Variants in NUBPL observed in about 807,000 individuals in gnomAD.
NUBPL encodes NUBP iron-sulfur cluster assembly factor, mitochondrial, also known as iron-sulfur cluster transfer protein NUBPL.
Under a neutral mutation model 45.7 loss-of-function variants are expected in NUBPL, and 31 were observed. The observed-to-expected ratio is 0.68, with a 90% confidence interval of 0.51 to 0.92. NUBPL has a LOEUF of 0.92. Ranked by LOEUF, NUBPL falls within the 40% of genes least tolerant of loss-of-function variation. The probability of loss-of-function intolerance (pLI) is 0.00; values close to 1 mark genes in which losing one functional copy is unlikely to be tolerated. For synonymous variants in NUBPL, 144 were observed against 140.9 expected (o/e 1.02, Z -0.15); for missense variants, 401 against 398.7 (o/e 1.01, Z -0.05).
intron 6 of NUBPL, among the ~76,000 whole-genome samples, chr14:31,708,394 C>G (rs897744452): frequency 1.3e-5 from 2 of 152,156 alleles, no homozygotes; most frequent in African/African-American, 4.8e-5. Context: ...GCCCAGACTT[C>G]AGGGTTTATT....
intron 8 of NUBPL, among the ~76,000 whole-genome samples, chr14:31,832,220 A>G (rs960789222): frequency 1.3e-5 from 2 of 152,186 alleles, no homozygotes; most frequent in Admixed American, 6.5e-5. Context: ...TCAGTAAGAC[A>G]GTTTAAAAAG....
At chr14:31,729,828 T>A (rs2038011493) in intron 6 of NUBPL, among the ~76,000 whole-genome samples, 1 of 152,206 alleles carries the variant, frequency 6.6e-6, no homozygotes, top group African/African-American at 2.4e-5. Flanking sequence ...TGACAGTGTT[T>A]ATATCTCTTA....
At chr14:31,737,536 A>C (rs2038189612) in intron 6 of NUBPL, among the ~76,000 whole-genome samples, 1 of 152,186 alleles carries the variant, frequency 6.6e-6, no homozygotes, top group South Asian at 2.1e-4. Flanking sequence ...TAATCCCAGC[A>C]CTTTGGGAGG....
At chr14:31,595,213 A>C (rs866790913) in intron 3 of NUBPL, among the ~76,000 whole-genome samples, 1 of 152,232 alleles carries the variant, frequency 6.6e-6, no homozygotes, top group Non-Finnish European at 1.5e-5. Flanking sequence ...TACAACTTCC[A>C]CAGGGTGTTA....
chr14:31,642,779 T>A (rs1392428580), intron 4 of NUBPL, among the ~76,000 whole-genome samples: 1 of 152,008 alleles, frequency 6.6e-6, no homozygotes, highest in Non-Finnish European at 1.5e-5. Context: ...ATTCTTCCAA[T>A]TCATGAGCAT....
chr14:31,832,140 A>C, intron 8 of NUBPL, among the ~76,000 whole-genome samples: 1 of 152,322 alleles, frequency 6.6e-6, no homozygotes, highest in Middle Eastern at 3.4e-3. Flanking sequence ...TAACAGTACT[A>C]TTACAGTAGA....
At chr14:31,592,198 A>G (rs1352147719) in intron 3 of NUBPL, among the ~76,000 whole-genome samples, 1 of 152,224 alleles carries the variant, frequency 6.6e-6, no homozygotes, top group East Asian at 1.9e-4. Flanking sequence ...AGGTGGGAGC[A>G]TGCCTAGTAT....
intron 7 of NUBPL, among the ~76,000 whole-genome samples, chr14:31,801,706 A>G (rs1475961183): frequency 1.3e-5 from 2 of 152,190 alleles, no homozygotes; most frequent in African/African-American, 4.8e-5. Context: ...GTAAAGATTG[A>G]TATAGGAATG....
At chr14:31,835,896 A>T (rs1444278039) in intron 8 of NUBPL, among the ~76,000 whole-genome samples, 1 of 152,188 alleles carries the variant, frequency 6.6e-6, no homozygotes, top group Non-Finnish European at 1.5e-5. Context: ...TTTAACAATG[A>T]ATTTTTCCTC....
At chr14:31,804,559 G>A (rs575272958) in intron 7 of NUBPL, among the ~76,000 whole-genome samples, 3 of 151,986 alleles carry the variant, frequency 2.0e-5, no homozygotes, top group African/African-American at 2.4e-5. Context: ...CAGTTTTGTC[G>A]TTTAAGAATT....
intron 7 of NUBPL, chr14:31,800,823 C>T (rs961470463): frequency 6.6e-6 from 1 of 152,106 alleles, no homozygotes; most frequent in South Asian, 2.1e-4. Context: ...AGCATGTTTT[C>T]TCTTTTTAAG....
chr14:31,801,847 A>G (rs1397191929), intron 7 of NUBPL, among the ~76,000 whole-genome samples: 2 of 152,184 alleles, frequency 1.3e-5, no homozygotes, highest in Non-Finnish European at 2.9e-5. Flanking sequence ...GGACACAGCT[A>G]GACAGTCCTA....
intron 6 of NUBPL, among the ~76,000 whole-genome samples, chr14:31,774,976 C>G (rs1381833995): frequency 1.3e-5 from 2 of 152,198 alleles, no homozygotes; most frequent in East Asian, 3.8e-4. Flanking sequence ...TCTTATCACT[C>G]TAGTGATTCC....
chr14:31,837,114 G>T (rs1417868201), intron 8 of NUBPL, among the ~76,000 whole-genome samples: 1 of 152,136 alleles, frequency 6.6e-6, no homozygotes, highest in Non-Finnish European at 1.5e-5. Flanking sequence ...TTGAAGCCGG[G>T]AGTTAAAGAC....
In NUBPL at chr14:31,839,037, T is replaced by C. The variant is rs144255930; in HGVS notation, c.694-7434T>C. ...AAGGAACTCATTTTAATTTTACTGC[T>C]TTTGGTTTTATAGAATATTTTCTAT... On this transcript the variant is annotated intron_variant, in intron 8 of 10. Transcript: ENST00000281081. Among the ~76,000 whole-genome samples the C allele has an allele frequency of 2.2e-3, 338 of 152,306 alleles. 2 individuals carry two copies. The highest frequency in any genetic ancestry group is 7.6e-3 in the African/African-American group (315 of 41,572).
At chr14:31,620,217 G>A (rs1036361029) in intron 4 of NUBPL, among the ~76,000 whole-genome samples, 1 of 151,852 alleles carries the variant, frequency 6.6e-6, no homozygotes, top group African/African-American at 2.4e-5. Context: ...CCTGCCATTG[G>A]GTTAGAACAT....
chr14:31,666,397 T>C (rs2036428561), intron 4 of NUBPL, among the ~76,000 whole-genome samples: 1 of 151,668 alleles, frequency 6.6e-6, no homozygotes, highest in Non-Finnish European at 1.5e-5. Flanking sequence ...CCTGAGTAGC[T>C]GGGACTGCAG....
At chr14:31,688,585 A>C (rs1333300900) in intron 6 of NUBPL, among the ~76,000 whole-genome samples, 3 of 141,242 alleles carry the variant, frequency 2.1e-5, no homozygotes, top group African/African-American at 9.2e-5. Context: ...ATCTCAAAGA[A>C]AAAAAAGAAA....
intron 4 of NUBPL, among the ~76,000 whole-genome samples, chr14:31,624,278 T>G (rs1250084197): frequency 1.3e-5 from 2 of 152,160 alleles, no homozygotes; most frequent in Non-Finnish European, 2.9e-5. Context: ...ATATTATCCA[T>G]CAGGATAGAG....
Sources: allele counts gnomAD v4.1 joint callset (sites outside exome capture counted in the v4.1 genomes callset), GRCh38; gene constraint gnomAD v4.1.1; transcripts MANE v1.5; gene names NCBI Gene and HGNC (gene_info 2026-07-23, HGNC 2026-07-21).